Variants in IL1RAPL2 observed in about 807,000 individuals in gnomAD.
The protein encoded by IL1RAPL2 is interleukin 1 receptor accessory protein like 2, also known as X-linked interleukin-1 receptor accessory protein-like 2.
Under a neutral mutation model 44.1 loss-of-function variants are expected in IL1RAPL2, and 3 were observed. The ratio of observed to expected loss-of-function variants is 0.07; its 90% CI spans 0.03 to 0.18. The LOEUF (loss-of-function observed/expected upper bound fraction) is 0.18. Ranked by LOEUF, IL1RAPL2 falls within the 10% of genes least tolerant of loss-of-function variation. IL1RAPL2 has a pLI of 1.00. For synonymous variants in IL1RAPL2, 181 were observed against 178.8 expected, an observed-to-expected ratio of 1.01 and a Z score of -0.10; for missense variants, 391 against 496.4, an observed-to-expected ratio of 0.79 and a Z score of 2.02.
intron 6 of IL1RAPL2, among the ~76,000 whole-genome samples, chrX:105,488,368 G>C (rs1374864896): frequency 8.9e-6 from 1 of 111,961 alleles, no homozygotes; most frequent in Non-Finnish European, 1.9e-5. Context: ...TGGTGGGAGA[G>C]AGAGGTCAAC....
At chrX:104,808,833 G>C (rs1231234508) in intron 2 of IL1RAPL2, among the ~76,000 whole-genome samples, 1 of 111,762 alleles carries the variant, frequency 8.9e-6, no homozygotes, top group Non-Finnish European at 1.9e-5. Context: ...AAGTAGAAAT[G>C]CGAAGCAATC....
intron 2 of IL1RAPL2, among the ~76,000 whole-genome samples, chrX:105,115,924 G>C (rs756095970): frequency 1.3e-4 from 15 of 113,346 alleles, no homozygotes; most frequent in South Asian, 7.1e-4. Flanking sequence ...GGCCTGGCGA[G>C]AAATCAAGCA....
intron 2 of IL1RAPL2, among the ~76,000 whole-genome samples, chrX:104,923,996 G>T (rs1172127006): frequency 1.9e-5 from 2 of 106,323 alleles, no homozygotes; most frequent in African/African-American, 6.8e-5. Context: ...ACAAATGAGA[G>T]AAGGGGTAGC....
chrX:105,002,129 G>T (rs2030862022), intron 2 of IL1RAPL2, among the ~76,000 whole-genome samples: 1 of 110,889 alleles, frequency 9.0e-6, no homozygotes, highest in Non-Finnish European at 1.9e-5. Flanking sequence ...CCTTCAATGG[G>T]ATCCTAAGAG....
chrX:104,790,249 G>A (rs181311024), intron 2 of IL1RAPL2, among the ~76,000 whole-genome samples: 1,501 of 112,076 alleles, frequency 0.013, 12 homozygotes, highest in Non-Finnish European at 0.021. Flanking sequence ...TGGGTGAGGG[G>A]AAGAAAAAGA....
At chrX:105,478,345 T>G (rs2036211346) in intron 5 of IL1RAPL2, among the ~76,000 whole-genome samples, 2 of 110,777 alleles carry the variant, frequency 1.8e-5, no homozygotes, top group Non-Finnish European at 3.8e-5. Flanking sequence ...AACAAAGAAT[T>G]TGCTGTTAGT....
intron 2 of IL1RAPL2, among the ~76,000 whole-genome samples, chrX:104,904,581 C>T (rs1284369687): frequency 1.3e-3 from 143 of 108,061 alleles, no homozygotes; most frequent in African/African-American, 4.6e-3. Context: ...TGATAGTTTA[C>T]TGAGAATGAT....
chrX:104,963,934 TGAGAGA>T (rs201418326), intron 2 of IL1RAPL2, among the ~76,000 whole-genome samples: 43,648 of 102,142 alleles, frequency 0.43, 6,982 homozygotes, highest in East Asian at 0.45. Context: ...TGTGTGTGTG[TGAGAGA>T]GAGAGAGAGA....
chrX:104,933,976 T>TTA (rs1924968238), intron 2 of IL1RAPL2, among the ~76,000 whole-genome samples: 1 of 111,645 alleles, frequency 9.0e-6, no homozygotes, highest in Non-Finnish European at 1.9e-5. Flanking sequence ...TAAAGGCAAA[T>TTA]TATTTTGGAG....
At chrX:105,601,516 G>T (rs148759572) in intron 6 of IL1RAPL2, among the ~76,000 whole-genome samples, 1 of 111,091 alleles carries the variant, frequency 9.0e-6, no homozygotes, top group African/African-American at 3.3e-5. Flanking sequence ...CCCTATTATA[G>T]GGAAAAAGTA....
At chrX:105,601,693 C>T (rs139295728) in intron 6 of IL1RAPL2, among the ~76,000 whole-genome samples, 366 of 110,883 alleles carry the variant, frequency 3.3e-3, no homozygotes, top group Admixed American at 6.2e-3. Flanking sequence ...CCCTCTCAGC[C>T]CCTTGGGAGC....
intron 1 of IL1RAPL2, among the ~76,000 whole-genome samples, chrX:104,574,537 C>A (rs1256339120): frequency 1.8e-5 from 2 of 111,812 alleles, no homozygotes; most frequent in African/African-American, 6.5e-5. Flanking sequence ...TATGACTTAG[C>A]AATTTCACTA....
intron 5 of IL1RAPL2, among the ~76,000 whole-genome samples, chrX:105,479,538 G>A (rs1057194820): frequency 1.6e-4 from 17 of 109,422 alleles, no homozygotes; most frequent in African/African-American, 5.3e-4. Context: ...TCGGGAGTTC[G>A]AGACCAGCCT....
chrX:104,985,731 A>T (rs887206975), intron 2 of IL1RAPL2, among the ~76,000 whole-genome samples: 4 of 112,056 alleles, frequency 3.6e-5, no homozygotes, highest in African/African-American at 1.3e-4. Context: ...AAGACAAGTA[A>T]TATATAACAT....
At chrX:104,979,272 C>T (rs1372568111) in intron 2 of IL1RAPL2, among the ~76,000 whole-genome samples, 1 of 111,069 alleles carries the variant, frequency 9.0e-6, no homozygotes, top group African/African-American at 3.3e-5. Context: ...TTCCCTCTCC[C>T]ATTATACCAA....
intron 6 of IL1RAPL2, among the ~76,000 whole-genome samples, chrX:105,685,313 A>G (rs947230610): frequency 1.3e-4 from 14 of 111,695 alleles, no homozygotes; most frequent in African/African-American, 4.6e-4. Context: ...CCTTGAAAAA[A>G]GATTAGAGGA....
intron 6 of IL1RAPL2, among the ~76,000 whole-genome samples, chrX:105,522,407 G>A (rs1471683146): frequency 8.9e-6 from 1 of 112,392 alleles, no homozygotes; most frequent in African/African-American, 3.2e-5. Context: ...TCTGGGATTT[G>A]TCATTATTTA....
At chrX:105,122,590 AT>A (rs1173967533) in intron 2 of IL1RAPL2, among the ~76,000 whole-genome samples, 2 of 111,383 alleles carry the variant, frequency 1.8e-5, no homozygotes, top group Non-Finnish European at 3.8e-5. Flanking sequence ...TGGTTTCTGA[AT>A]TAATTCAGAG....
intron 2 of IL1RAPL2, among the ~76,000 whole-genome samples, chrX:104,867,490 G>T (rs900496999): frequency 9.0e-6 from 1 of 111,359 alleles, no homozygotes; most frequent in Admixed American, 9.6e-5. Flanking sequence ...CATGCTTATT[G>T]AGCCATACAT....
Sources: allele counts gnomAD v4.1 joint callset (sites outside exome capture counted in the v4.1 genomes callset), GRCh38; gene constraint gnomAD v4.1.1; transcripts MANE v1.5; gene names NCBI Gene and HGNC (gene_info 2026-07-23, HGNC 2026-07-21).